The following TTC27 variants were observed in gnomAD, a reference collection of about 807,000 sequenced individuals.
TTC27 encodes the protein tetratricopeptide repeat domain 27.
A neutral mutation model predicts 115.9 loss-of-function variants in TTC27; 79 were observed. That is an observed-to-expected ratio of 0.68 (90% CI 0.57 to 0.82). The LOEUF is 0.82. Among genes scored for constraint, TTC27 ranks in the 40% least tolerant of loss-of-function variants. TTC27 has a pLI of 0.00. For missense variants in TTC27, 1,054 were observed against 993.1 expected (o/e 1.06, Z -0.82); for synonymous variants, 401 against 356.0 (o/e 1.13, Z -1.42).
At chr2:32,663,470 C>T (rs973531870) in intron 5 of TTC27, among the ~76,000 whole-genome samples, 1 of 152,152 alleles carries the variant, frequency 6.6e-6, no homozygotes, top group Non-Finnish European at 1.5e-5. Flanking sequence ...CCTCGCCCTG[C>T]TTTGGCCCGC....
rs754053528 is a variant in TTC27, at chr2:32,733,903, C to G, written c.1309C>G (p.Pro437Ala). 46 of 1,611,414 alleles carry G rather than the reference C, an allele frequency of 2.9e-5. 1 individual carries two copies. In the South Asian group the frequency reaches 3.6e-4, roughly 13 times the overall value. The change falls in exon 11 of 20, where the codon CCA becomes GCA. Residue 437 changes from proline to alanine, a missense_variant. By Grantham distance (27) the Pro-to-Ala change is conservative (BLOSUM62 -1). Transcript: ENST00000317907. ...RLKIFYCCQV[P>A]PHWAIQRQLA... ...GAAGATTTTCTATTGCTGTCAAGTA[C>G]CACCTCACTGGGCCATTCAGGTATT...
intron 16 of TTC27, among the ~76,000 whole-genome samples, chr2:32,807,876 AC>A: frequency 7.5e-6 from 1 of 133,118 alleles, no homozygotes; most frequent in East Asian, 2.2e-4. Flanking sequence ...TCACTTTCTT[AC>A]CTTTCTGGCC....
intron 8 of TTC27, among the ~76,000 whole-genome samples, chr2:32,673,446 C>G (rs528587036): frequency 6.6e-6 from 1 of 151,964 alleles, no homozygotes; most frequent in Admixed American, 6.6e-5. Flanking sequence ...AGGCTGGTCT[C>G]GAACTCCTGA....
intron 12 of TTC27, among the ~76,000 whole-genome samples, chr2:32,750,725 G>A (rs1169784562): frequency 1.3e-5 from 2 of 152,130 alleles, no homozygotes; most frequent in East Asian, 1.9e-4. Context: ...AACATATAAA[G>A]TTAAATATTT....
At chr2:32,765,141 C>A (rs886951866) in intron 13 of TTC27, among the ~76,000 whole-genome samples, 4 of 152,118 alleles carry the variant, frequency 2.6e-5, no homozygotes, top group African/African-American at 9.7e-5. Context: ...TTGCCCAGAT[C>A]CATCAGAGGA....
At chr2:32,636,265 G>A (rs937179236) in intron 3 of TTC27, among the ~76,000 whole-genome samples, 1 of 152,182 alleles carries the variant, frequency 6.6e-6, no homozygotes, top group Admixed American at 6.5e-5. Context: ...CCAGGCTGGA[G>A]TGCAGTGGTG....
intron 12 of TTC27, among the ~76,000 whole-genome samples, chr2:32,755,120 T>C (rs7563718): frequency 0.76 from 114,498 of 150,866 alleles, 43,440 homozygotes; most frequent in Middle Eastern, 0.81. Flanking sequence ...CGGGCAGAGA[T>C]GCTCCTCACT....
intron 16 of TTC27, among the ~76,000 whole-genome samples, chr2:32,802,118 G>GAA (rs11406621): frequency 1.4e-5 from 2 of 146,316 alleles, no homozygotes; most frequent in African/African-American, 2.5e-5. Flanking sequence ...GAACCCCAAG[G>GAA]AAAAAAAAAA....
chr2:32,736,697 C>T lies in TTC27; in HGVS notation c.1333C>T (p.Gln445Ter), dbSNP rs751455368. The change falls in exon 12 of 20, where the codon CAA (glutamine) becomes TAA (stop). Residue 445 changes from glutamine (Q) to a stop codon, truncating the protein, a stop_gained. Transcript: ENST00000317907. LOFTEE classifies it high-confidence loss of function. ...QVPPHWAIQR[Q>*]LASLLFELGC... is the part of the protein sequence containing the mutation. ...TATTTTTACTTGATTTTTCTAGCGC[C>T]AACTTGCAAGTTTGCTCTTTGAGTT... 6.2e-7 allele frequency: 1 copy of T among 1,613,612 alleles called. No homozygotes were observed. The highest frequency in any genetic ancestry group is 1.3e-5 in the African/African-American group (1 of 75,008).
intron 16 of TTC27, among the ~76,000 whole-genome samples, chr2:32,803,993 C>A (rs571822902): frequency 6.9e-6 from 1 of 143,912 alleles, no homozygotes; most frequent in Non-Finnish European, 1.5e-5. Context: ...GGCGACAGAG[C>A]GAGACTCCAT....
At chr2:32,754,766 G>A (rs890413738) in intron 12 of TTC27, among the ~76,000 whole-genome samples, 1 of 148,450 alleles carries the variant, frequency 6.7e-6, no homozygotes, top group Admixed American at 6.7e-5. Flanking sequence ...GGCTGGCCGG[G>A]CGGGGGCTGA....
chr2:32,683,382 A>T (rs1048242921), intron 9 of TTC27, among the ~76,000 whole-genome samples: 1 of 152,216 alleles, frequency 6.6e-6, no homozygotes, highest in Admixed American at 6.5e-5. Context: ...TTATTGAATA[A>T]ATAAATGAAT....
At chr2:32,787,389 A>G (rs987690105) in intron 16 of TTC27, among the ~76,000 whole-genome samples, 2 of 152,200 alleles carry the variant, frequency 1.3e-5, no homozygotes, top group Non-Finnish European at 2.9e-5. Context: ...TGAAAATCTG[A>G]TATGTGGGTT....
intron 12 of TTC27, among the ~76,000 whole-genome samples, chr2:32,757,169 C>G (rs1194366736): frequency 2.0e-5 from 3 of 152,106 alleles, no homozygotes; most frequent in Non-Finnish European, 4.4e-5. Context: ...ATTTAATAGA[C>G]ATTGCTAAAA....
intron 16 of TTC27, among the ~76,000 whole-genome samples, chr2:32,801,759 G>A (rs766322767): frequency 6.6e-6 from 1 of 152,128 alleles, no homozygotes; most frequent in East Asian, 1.9e-4. Flanking sequence ...ACCAAGGGAA[G>A]ACCAGAAAGA....
At chr2:32,805,410 A>C (rs1215716512) in intron 16 of TTC27, among the ~76,000 whole-genome samples, 1 of 152,206 alleles carries the variant, frequency 6.6e-6, no homozygotes, top group Non-Finnish European at 1.5e-5. Flanking sequence ...CTTGCTGTGT[A>C]ACCATGAGAA....
chr2:32,681,976 ATATATGTGTGTGTGTGTGTGTGTGTG>A (rs1326854204), intron 9 of TTC27, among the ~76,000 whole-genome samples: 1 of 58,838 alleles, frequency 1.7e-5, no homozygotes, highest in East Asian at 5.6e-4. Flanking sequence ...ATATATGTAT[ATATATGTGTGTGTGTGTGTGTGTGTG>A]TGTGTGTGTG....
intron 8 of TTC27, among the ~76,000 whole-genome samples, chr2:32,672,918 T>A (rs1666062780): frequency 6.6e-6 from 1 of 152,214 alleles, no homozygotes; most frequent in Non-Finnish European, 1.5e-5. Context: ...TTTTTGTACA[T>A]AGTCACAATA....
At position 32,650,162 on chromosome 2, in the gene TTC27, A is replaced by G; in HGVS notation, c.569A>G (p.Asn190Ser). 2 of 1,613,834 alleles carry G rather than the reference A, an allele frequency of 1.2e-6. No homozygotes were observed. Among genetic ancestry groups the G allele is most frequent in the Non-Finnish European group, 1.7e-6 (2 of 1,179,838 alleles). ...CCATGGTGGACTTTGAGATGTGTGA[A>G]TATTCATCAGCATTTGCTTGAGGAA... is the stretch of plus-strand genomic sequence containing the variant. ...SLPWWTLRCV[N>S]IHQHLLEERS... Residue 190 changes from asparagine to serine, a missense_variant, in exon 5 of 20, where the codon AAT (asparagine) becomes AGT (serine). Asn to Ser is a conservative substitution (Grantham distance 46, BLOSUM62 1). Transcript: ENST00000317907.
Sources: gnomAD v4.1 joint callset for allele counts (sites outside exome capture counted in the v4.1 genomes callset) on GRCh38, gnomAD v4.1.1 for gene constraint, MANE v1.5 for transcripts, NCBI Gene and HGNC (gene_info 2026-07-23, HGNC 2026-07-21) for gene names.